PSME3IP1: variants seen among roughly 807,000 people sequenced by gnomAD.
PSME3IP1 encodes PSME3-interacting protein.
In PSME3IP1, 13 loss-of-function variants were observed where a neutral mutation model predicts 34.1. The observed-to-expected ratio is 0.38, with a 90% CI of 0.25 to 0.61. PSME3IP1 has a LOEUF of 0.61. Among genes scored for constraint, PSME3IP1 ranks in the 20% least tolerant of loss-of-function variants. The pLI is 0.60. For synonymous variants in PSME3IP1, 93 were observed against 114.3 expected, an observed-to-expected ratio of 0.81 and a Z score of 1.19; for missense variants, 237 against 301.4, an observed-to-expected ratio of 0.79 and a Z score of 1.58.
At chr16:57,178,795 G>A (rs935215226) in intron 1 of PSME3IP1, 6 of 985,310 alleles carry the variant, frequency 6.1e-6, no homozygotes, top group East Asian at 2.3e-4. Flanking sequence ...CTTATCCTGC[G>A]AAAGCAGTAC....
At chr16:57,181,115 C>T (rs1567452013) in intron 1 of PSME3IP1, among the ~76,000 whole-genome samples, 1 of 152,154 alleles carries the variant, frequency 6.6e-6, no homozygotes, top group Non-Finnish European at 1.5e-5. Context: ...AGGGCAGGGT[C>T]TCAAATGTGC....
At chr16:57,165,156 T>C (rs1401856052) in intron 5 of PSME3IP1, among the ~76,000 whole-genome samples, 9 of 149,112 alleles carry the variant, frequency 6.0e-5, no homozygotes, top group African/African-American at 2.2e-4. Context: ...GACACTGTTA[T>C]ATATATATAT....
At chr16:57,162,664 C>CA (rs773301974) in intron 6 of PSME3IP1, among the ~76,000 whole-genome samples, 1,208 of 55,212 alleles carry the variant, frequency 0.022, 11 homozygotes, top group East Asian at 0.042. Context: ...GACCCTGTCT[C>CA]AAAAAAAAAA....
chr16:57,179,564 G>T (rs780403743), intron 1 of PSME3IP1, among the ~76,000 whole-genome samples: 3 of 152,174 alleles, frequency 2.0e-5, no homozygotes, highest in Non-Finnish European at 2.9e-5. Flanking sequence ...CTTGAAAAAT[G>T]ACTCCATTTA....
chr16:57,158,577 G>A (rs1317896321), intron 6 of PSME3IP1, among the ~76,000 whole-genome samples: 1 of 152,058 alleles, frequency 6.6e-6, no homozygotes, highest in African/African-American at 2.4e-5. Flanking sequence ...GACAGAGCTA[G>A]ACTGTCTCAA....
rs2071574128 is a variant in PSME3IP1, at chr16:57,164,048, C to T, written c.500G>A (p.Ser167Asn). The T allele has an allele frequency of 1.2e-6, 2 of 1,614,044 alleles. No homozygotes were observed. The highest frequency in any genetic ancestry group is 2.2e-5 in the East Asian group (1 of 44,900). The change falls in exon 6 of 7, where the codon AGT becomes AAT. Residue 167 changes from serine (S) to asparagine (N), a missense_variant. Transcript: ENST00000309137. ...AGGGTCCGGTTTCAGTCTTTTCACA[C>T]TGTTGCCACTCTCTGAGCTGTAACA... ...VKHKSSESGN[S>N]VKRLKPDPEP... is the part of the protein sequence containing the mutation.
Position 57,169,847 on chromosome 16 carries a change from C to T in PSME3IP1, c.348+2404G>A, listed in dbSNP as rs145491363. 9.5e-4 allele frequency among the ~76,000 whole-genome samples: 145 copies of T among 152,228 alleles called. 1 individual carries two copies. Among genetic ancestry groups the T allele is most frequent in the African/African-American group, 3.1e-3 (127 of 41,532 alleles). On this transcript the variant is annotated intron_variant, in intron 4 of 6. Transcript: ENST00000309137. Reference sequence around the variant, plus strand: ...ATGGGTATCTGCCTATCTCTACAAACGAACACATATTATTTTGGGGTCATC... The same window carrying T: ...ATGGGTATCTGCCTATCTCTACAAATGAACACATATTATTTTGGGGTCATC...
chr16:57,170,638 C>G (rs2072460132), intron 4 of PSME3IP1, among the ~76,000 whole-genome samples: 1 of 152,160 alleles, frequency 6.6e-6, no homozygotes. Context: ...ATGCCAGGCA[C>G]TGGAGAAATC....
chr16:57,184,002 T>C (rs1186904984), intron 1 of PSME3IP1, among the ~76,000 whole-genome samples: 1 of 152,192 alleles, frequency 6.6e-6, no homozygotes, highest in Admixed American at 6.5e-5. Flanking sequence ...TAAAAACAAC[T>C]ATACTTTCCA....
At chr16:57,174,421 C>A in intron 1 of PSME3IP1, 1 of 984,762 alleles carries the variant, frequency 1.0e-6, no homozygotes, top group Non-Finnish European at 1.2e-6. Flanking sequence ...GGCAAGAGGA[C>A]CTGGGATAAT....
chr16:57,156,489 A>G (rs1359216861), intron 6 of PSME3IP1, among the ~76,000 whole-genome samples: 1 of 152,226 alleles, frequency 6.6e-6, no homozygotes, highest in Non-Finnish European at 1.5e-5. Context: ...AAAGTTCAGG[A>G]GATCAATGTA....
At chr16:57,180,614 A>G (rs181472787) in intron 1 of PSME3IP1, among the ~76,000 whole-genome samples, 26 of 151,970 alleles carry the variant, frequency 1.7e-4, no homozygotes, top group African/African-American at 4.8e-4. Context: ...AAAAAAAAGA[A>G]AAGAAATTAA....
chr16:57,175,020 T>C (rs2073044973), intron 1 of PSME3IP1: 1 of 151,452 alleles, frequency 6.6e-6, no homozygotes, highest in African/African-American at 2.4e-5. Flanking sequence ...TTACTCCTTT[T>C]TTTTTTTTTT....
chr16:57,171,083 A>AC (rs1385589276), intron 4 of PSME3IP1, among the ~76,000 whole-genome samples: 4 of 151,874 alleles, frequency 2.6e-5, no homozygotes, highest in African/African-American at 4.8e-5. Context: ...CAAAAAAAAA[A>AC]ATTGATATTA....
At chr16:57,169,964 G>A (rs2072363587) in intron 4 of PSME3IP1, among the ~76,000 whole-genome samples, 1 of 151,806 alleles carries the variant, frequency 6.6e-6, no homozygotes, top group South Asian at 2.1e-4. Context: ...TCTCCATGTT[G>A]CACCTGAATG....
At position 57,154,590 on chromosome 16, in the gene PSME3IP1, C is replaced by A; in HGVS notation, c.548-83G>T. 1.6e-6 allele frequency: 2 copies of A among 1,214,384 alleles called. No individual in the cohort carries two copies. The highest frequency in any genetic ancestry group is 2.3e-6 in the Non-Finnish European group (2 of 880,910). The allele number at this position is 1,214,384 out of a possible 1,614,324, so 75.2% of individuals were successfully genotyped here. On this transcript the variant is annotated intron_variant, in intron 6 of 6. Transcript: ENST00000309137. This position sits in a 1 kb window ranked among gnomAD's most constrained non-coding sequence, Gnocchi z 4.0. ...ACTTACCATGTGCCAGGCACTGTAC[C>A]AAGGGATTTTCCCACAGAGGAGCCT...
intron 4 of PSME3IP1, among the ~76,000 whole-genome samples, chr16:57,168,022 G>A (rs8062789): frequency 0.029 from 4,360 of 152,028 alleles, 224 homozygotes; most frequent in African/African-American, 0.098. Context: ...TATTTTTGTC[G>A]GGGAGGTCAC....
intron 1 of PSME3IP1, among the ~76,000 whole-genome samples, chr16:57,185,369 C>G (rs2074079185): frequency 6.6e-6 from 1 of 152,208 alleles, no homozygotes; most frequent in Admixed American, 6.5e-5. Flanking sequence ...ATAGAAAATT[C>G]GCTTGGCACA....
intron 1 of PSME3IP1, among the ~76,000 whole-genome samples, chr16:57,177,379 G>A (rs1323342473): frequency 2.8e-5 from 4 of 143,648 alleles, no homozygotes; most frequent in African/African-American, 1.0e-4. Context: ...GTGAAACAGG[G>A]TTTCACCATG....
Sources: gnomAD v4.1 joint callset for allele counts (sites outside exome capture counted in the v4.1 genomes callset) on GRCh38, gnomAD v4.1.1 for gene constraint, Gnocchi (gnomAD v3.1) non-coding constraint, MANE v1.5 for transcripts, NCBI Gene and HGNC (gene_info 2026-07-23, HGNC 2026-07-21) for gene names.